ATP10D: variants seen among roughly 807,000 people sequenced by gnomAD.
ATP10D encodes the protein ATPase phospholipid transporting 10D (putative), also known as phospholipid-transporting ATPase VD.
In ATP10D, 89 loss-of-function variants were observed where a neutral mutation model predicts 144.8. The observed-to-expected ratio is 0.61, with a 90% CI of 0.52 to 0.73. The LOEUF (loss-of-function observed/expected upper bound fraction) is 0.73, where lower values mean the gene tolerates loss of function less well. Among genes scored for constraint, ATP10D ranks in the 30% least tolerant of loss-of-function variants. The pLI is 0.00. For missense variants in ATP10D, 1,603 were observed against 1,714.8 expected (o/e 0.93, Z 1.15); for synonymous variants, 571 against 615.1 (o/e 0.93, Z 1.06).
Position 47,557,724 on chromosome 4 carries a change from T to C in ATP10D, c.1885T>C (p.Phe629Leu). The change falls in exon 12 of 23, where the codon TTC (phenylalanine) becomes CTC (leucine). Residue 629 changes from phenylalanine to leucine, a missense_variant. Physicochemically the swap from Phe to Leu is conservative, Grantham distance 22 (BLOSUM62 0). Coordinates refer to ENST00000273859, the MANE Select transcript of ATP10D (RefSeq NM_020453.4). ...GTCTTTGGAAGAGATTAAAAGTCTT[T>C]TCCAGAGATGGTCTGTCCGAAGATC... Reference protein sequence around the residue: ...IKSLEEIKSLFQRWSVRRSSS... With the variant: ...IKSLEEIKSLLQRWSVRRSSS... 6.2e-7 allele frequency: 1 copy of C among 1,614,194 alleles called. No homozygotes were observed. The highest frequency in any genetic ancestry group is 8.5e-7 in the Non-Finnish European group (1 of 1,180,016).
intron 3 of ATP10D, among the ~76,000 whole-genome samples, chr4:47,518,715 C>T (rs983679228): frequency 1.3e-5 from 2 of 152,108 alleles, no homozygotes; most frequent in Non-Finnish European, 2.9e-5. Flanking sequence ...AGATAATTAA[C>T]CTTAGTAACA....
chr4:47,518,239 T>A (rs1248709285), intron 3 of ATP10D, among the ~76,000 whole-genome samples: 1 of 152,174 alleles, frequency 6.6e-6, no homozygotes, highest in Non-Finnish European at 1.5e-5. Flanking sequence ...TTCTTTTTTG[T>A]AGTAGGTGGT....
intron 15 of ATP10D, among the ~76,000 whole-genome samples, chr4:47,567,832 T>C (rs1307009938): frequency 6.6e-6 from 1 of 152,204 alleles, no homozygotes; most frequent in Non-Finnish European, 1.5e-5. Context: ...TTGCTTTTCT[T>C]ATTTTGTTGT....
At chr4:47,510,477 A>G (rs1189010228) in intron 1 of ATP10D, among the ~76,000 whole-genome samples, 1 of 152,218 alleles carries the variant, frequency 6.6e-6, no homozygotes, top group Non-Finnish European at 1.5e-5. Flanking sequence ...AGTCCTAAAG[A>G]GAAGGAGACC....
At position 47,592,924 on chromosome 4, in the gene ATP10D, C is replaced by T. The variant is rs2109488580; in HGVS notation, c.*1543C>T. On this transcript the variant is annotated 3_prime_UTR_variant, in exon 23 of 23. Transcript: ENST00000273859. ...CACTCTTGTAAACATTTGCCAAATC[C>T]AACTGTAATTAGTACCAGAACTTAG... 2 of 152,454 alleles carry T rather than the reference C, an allele frequency of 1.3e-5. No homozygotes were observed. Among genetic ancestry groups the T allele is most frequent in the South Asian group, 4.1e-4 (2 of 4,822 alleles). 9.4% of individuals were successfully genotyped at this position (152,454 alleles called of 1,614,324 possible). A position where few individuals can be genotyped will look rare whatever the true frequency, so the allele number is the denominator to read the frequency against.
rs570464391 is a variant in ATP10D at position 47,496,104 on chromosome 4, G to A, written c.-38+10585G>A. Among the ~76,000 whole-genome samples, 38 of 151,232 alleles carry A rather than the reference G, an allele frequency of 2.5e-4. 2 individuals carry two copies. The South Asian group carries it at 7.7e-3, about 31-fold the overall frequency. ...TAGATTTAACACAATTAGATATAAT[G>A]CAGTCAACAATTTCTCTATTTCTCA... On this transcript the variant is annotated intron_variant, in intron 1 of 22. Coordinates refer to ENST00000273859, the MANE Select transcript of ATP10D (RefSeq NM_020453.4).
At position 47,563,512 on chromosome 4, in the gene ATP10D, T is replaced by G. The variant is rs961219865; in HGVS notation, c.2669-69T>G. The stretch of plus-strand genomic sequence containing the variant: ...AGTTGGCTAACAGATATGATTCAAC[T>G]GTAGACTAGCTGAGCTTCAGCTGGC... On this transcript the variant is annotated intron_variant, in intron 14 of 22. Transcript: ENST00000273859. 7.4e-5 allele frequency: 102 copies of G among 1,385,830 alleles called. 1 individual carries two copies. The highest frequency in any genetic ancestry group is 9.3e-5 in the Non-Finnish European group (94 of 1,007,654). The allele number at this position is 1,385,830 out of a possible 1,614,324, so 85.8% of individuals were successfully genotyped here.
At chr4:47,496,962 C>T (rs1274348681) in intron 1 of ATP10D, among the ~76,000 whole-genome samples, 1 of 152,126 alleles carries the variant, frequency 6.6e-6, no homozygotes, top group Non-Finnish European at 1.5e-5. Flanking sequence ...ATGCCTCAGC[C>T]TCCTGAGTAG....
At chr4:47,581,859 TG>T (rs1379962497) in intron 20 of ATP10D, 100 bp from the exon 21 acceptor site, 12 of 887,272 alleles carry the variant, frequency 1.4e-5, no homozygotes, top group Non-Finnish European at 2.2e-5. Flanking sequence ...ACAGGGACCT[TG>T]TAGAAGGGAT....
chr4:47,541,381 A>G (rs1333615937), intron 9 of ATP10D, among the ~76,000 whole-genome samples: 1 of 152,174 alleles, frequency 6.6e-6, no homozygotes, highest in Non-Finnish European at 1.5e-5. Context: ...TTTGATTTTC[A>G]GGCAGTCAGT....
At chr4:47,518,553 T>A (rs1178942333) in intron 3 of ATP10D, among the ~76,000 whole-genome samples, 2 of 152,184 alleles carry the variant, frequency 1.3e-5, no homozygotes, top group African/African-American at 4.8e-5. Flanking sequence ...ATACAATGTC[T>A]GCCATCAAGG....
Position 47,557,682 on chromosome 4 carries a change from G to T in ATP10D, c.1843G>T (p.Gly615Trp), listed in dbSNP as rs374331628. The change falls in exon 12 of 23, where the codon GGG becomes TGG. Residue 615 changes from glycine to tryptophan, a missense_variant. Transcript: ENST00000273859. ...PRQKIRHPSLGGLPIKSLEEI... is the reference protein window; with the variant it reads ...PRQKIRHPSLWGLPIKSLEEI... ...TTCATAGATCAGACACCCTTCACTG[G>T]GGGGGTTGCCCATTAAGTCTTTGGA... 50 of 1,609,616 alleles carry T rather than the reference G, an allele frequency of 3.1e-5. No homozygotes were observed. In the African/African-American group the frequency reaches 5.9e-4, roughly 19 times the overall value.
At position 47,558,118 on chromosome 4, in the gene ATP10D, G is replaced by A. The variant is rs200095375; in HGVS notation, c.2279G>A (p.Gly760Glu). 3.2e-5 allele frequency: 52 copies of A among 1,614,126 alleles called. No individual in the cohort carries two copies. Among genetic ancestry groups the A allele is most frequent in the Non-Finnish European group, 4.3e-5 (51 of 1,180,018 alleles). The change falls in exon 12 of 23, where the codon GGA (glycine) becomes GAA (glutamate). Residue 760 changes from glycine (G) to glutamate (E), a missense_variant. Transcript: ENST00000273859. ...EQVMVDFAALGPLTFQLLHIL... is the reference protein window; with the variant it reads ...EQVMVDFAALEPLTFQLLHIL... ...GTCATGGTGGACTTTGCTGCTTTGG[G>A]ACCATTAACATTTCAACTCCTACAC...
In ATP10D at chr4:47,536,778, A is replaced by G. The variant is rs2109424612; in HGVS notation, c.1236A>G (p.Glu412=). 2 of 1,613,378 alleles carry G rather than the reference A, an allele frequency of 1.2e-6. No homozygotes were observed. Among genetic ancestry groups the G allele is most frequent in the Non-Finnish European group, 1.7e-6 (2 of 1,179,660 alleles). ...FIQSDVDFYN[E]KMDSIVQCRA... ...AAAGTGATGTGGATTTCTACAATGA[A>G]AAAATGGATTCTATTGTTCAGTGCC... Residue 412 remains glutamate (E), a synonymous_variant, in exon 9 of 23, where the codon GAA becomes GAG. Coordinates refer to ENST00000273859, the MANE Select transcript of ATP10D (RefSeq NM_020453.4).
chr4:47,513,769 G>C (rs1716487015), intron 2 of ATP10D, among the ~76,000 whole-genome samples: 1 of 152,192 alleles, frequency 6.6e-6, no homozygotes, highest in Non-Finnish European at 1.5e-5. Context: ...AGAGTTGAGG[G>C]CCAAGTCTGC....
intron 5 of ATP10D, among the ~76,000 whole-genome samples, chr4:47,533,837 C>A (rs968556404): frequency 6.6e-6 from 1 of 152,144 alleles, no homozygotes; most frequent in Non-Finnish European, 1.5e-5. Context: ...CTTCCACTTC[C>A]TTTCCTACCC....
intron 10 of ATP10D, among the ~76,000 whole-genome samples, chr4:47,551,364 A>T (rs1718725102): frequency 6.6e-6 from 1 of 152,238 alleles, no homozygotes. Flanking sequence ...GGCTTTGTTT[A>T]CATTATAGGA....
chr4:47,524,101 T>A (rs1717111587), intron 4 of ATP10D, among the ~76,000 whole-genome samples: 1 of 152,132 alleles, frequency 6.6e-6, no homozygotes. Context: ...TAATTTTTTG[T>A]ATTTTTAGTA....
At chr4:47,491,196 A>G in intron 1 of ATP10D, 2 of 752,386 alleles carry the variant, frequency 2.7e-6, no homozygotes, top group Non-Finnish European at 4.9e-6. Flanking sequence ...CAATATGCAC[A>G]TTAATTCTCT....
Sources: gnomAD v4.1 joint callset for allele counts (sites outside exome capture counted in the v4.1 genomes callset) on GRCh38, gnomAD v4.1.1 for gene constraint, MANE v1.5 for transcripts, NCBI Gene and HGNC (gene_info 2026-07-23, HGNC 2026-07-21) for gene names.